TNRC6A: variants seen among roughly 807,000 people sequenced by gnomAD.
TNRC6A encodes the protein trinucleotide repeat containing adaptor 6A, also known as trinucleotide repeat-containing gene 6A protein.
Under a neutral mutation model 221.2 loss-of-function variants are expected in TNRC6A, and 44 were observed. The observed-to-expected ratio is 0.20, with a 90% CI of 0.16 to 0.26. TNRC6A has a LOEUF of 0.26. Among genes scored for constraint, TNRC6A ranks in the 10% least tolerant of loss-of-function variants. The pLI is 1.00. For missense variants in TNRC6A, 2,199 were observed against 2,404.4 expected, an observed-to-expected ratio of 0.91 and a Z score of 1.79; for synonymous variants, 847 against 838.5, an observed-to-expected ratio of 1.01 and a Z score of -0.18.
At chr16:24,750,870 A>T (rs1333031396) in intron 3 of TNRC6A, 57 bp downstream of exon 3, 3 of 1,330,944 alleles carry the variant, frequency 2.3e-6, no homozygotes, top group African/African-American at 1.5e-5. Context: ...TTAAAAAAAA[A>T]TTACTCTTAC....
In TNRC6A at chr16:24,806,209, T is replaced by C. The variant is rs1038952438; in HGVS notation, c.4255T>C (p.Leu1419=). ...CTTTTCGCTATCTTTCCTCTAGCGA[T>C]TGTTAGCGCAGCAGCAAAGGGCGCA... ...QLSQISQLQR[L]LAQQQRAQSQ... Residue 1419 remains leucine (L), a synonymous_variant, in exon 16 of 25, where the codon TTG becomes CTG. Transcript: ENST00000395799. 5 of 1,613,880 alleles carry C rather than the reference T, an allele frequency of 3.1e-6. No individual in the cohort carries two copies. The highest frequency in any genetic ancestry group is 4.2e-6 in the Non-Finnish European group (5 of 1,179,992).
intron 1 of TNRC6A, among the ~76,000 whole-genome samples, chr16:24,621,969 T>G (rs1900697500): frequency 6.6e-6 from 1 of 152,188 alleles, no homozygotes; most frequent in Non-Finnish European, 1.5e-5. Context: ...GGATTTTTAT[T>G]GAACAAGGGA....
intron 1 of TNRC6A, among the ~76,000 whole-genome samples, chr16:24,627,512 T>C (rs1350907515): frequency 6.6e-6 from 1 of 151,924 alleles, no homozygotes; most frequent in Non-Finnish European, 1.5e-5. Flanking sequence ...GCTCTTAATA[T>C]TTGTTTACTC....
chr16:24,656,480 A>G (rs528527787), intron 2 of TNRC6A, among the ~76,000 whole-genome samples: 7 of 151,254 alleles, frequency 4.6e-5, no homozygotes, highest in African/African-American at 1.7e-4. Flanking sequence ...AAAAAAAAAA[A>G]AGAGAGAGAG....
intron 2 of TNRC6A, among the ~76,000 whole-genome samples, chr16:24,701,765 G>T (rs937899023): frequency 6.6e-6 from 1 of 152,168 alleles, no homozygotes; most frequent in Non-Finnish European, 1.5e-5. Flanking sequence ...TCAGGAAATT[G>T]AGGCCAATAA....
At chr16:24,762,300 A>G (rs184120131) in intron 4 of TNRC6A, among the ~76,000 whole-genome samples, 4 of 152,240 alleles carry the variant, frequency 2.6e-5, no homozygotes, top group African/African-American at 9.6e-5. Flanking sequence ...CAATGTTACT[A>G]CATCTGGGTG....
At chr16:24,721,101 T>C (rs953192515) in intron 2 of TNRC6A, among the ~76,000 whole-genome samples, 1 of 152,140 alleles carries the variant, frequency 6.6e-6, no homozygotes, top group South Asian at 2.1e-4. Context: ...GGGCTAAGAA[T>C]GAACACCTGC....
intron 1 of TNRC6A, among the ~76,000 whole-genome samples, chr16:24,616,935 T>C (rs1035136582): frequency 6.9e-6 from 1 of 145,882 alleles, no homozygotes; most frequent in African/African-American, 2.5e-5. Context: ...AAACAAAATG[T>C]GTATTCTGCA....
chr16:24,787,624 A>C (rs1271576977), intron 5 of TNRC6A, among the ~76,000 whole-genome samples: 1 of 152,226 alleles, frequency 6.6e-6, no homozygotes, highest in Non-Finnish European at 1.5e-5. Context: ...CTTCTTTGGC[A>C]GCTTTAGGAA....
intron 19 of TNRC6A, chr16:24,815,651 C>G: frequency 3.3e-6 from 1 of 299,820 alleles, no homozygotes; most frequent in Admixed American, 4.3e-5. Flanking sequence ...GTCAGGAGAT[C>G]GAGACCATGC....
At chr16:24,637,377 C>G (rs1180146752) in intron 1 of TNRC6A, among the ~76,000 whole-genome samples, 1 of 152,136 alleles carries the variant, frequency 6.6e-6, no homozygotes, top group African/African-American at 2.4e-5. Flanking sequence ...GCCTGGCGTT[C>G]CCTCCACCCA....
chr16:24,765,080 G>A lies in TNRC6A; in HGVS notation c.163+6720G>A, dbSNP rs541167246. Among the ~76,000 whole-genome samples the A allele has an allele frequency of 7.0e-4, 107 of 152,272 alleles. 1 individual carries two copies. The highest frequency in any genetic ancestry group is 2.5e-3 in the African/African-American group (103 of 41,546). ...AAGTGAAATCTTGGAAAAGGAGGGGGACTACTGTATACCTAGAAGAGGAAT... is the reference window on the plus strand; with the variant it reads ...AAGTGAAATCTTGGAAAAGGAGGGGAACTACTGTATACCTAGAAGAGGAAT... On this transcript the variant is annotated intron_variant, in intron 4 of 24. Coordinates refer to ENST00000395799, the MANE Select transcript of TNRC6A (RefSeq NM_014494.4).
At chr16:24,611,798 A>G (rs1900068561) in intron 1 of TNRC6A, among the ~76,000 whole-genome samples, 1 of 152,154 alleles carries the variant, frequency 6.6e-6, no homozygotes, top group South Asian at 2.1e-4. Context: ...GTGAATTGTG[A>G]AATTATGGCA....
intron 1 of TNRC6A, among the ~76,000 whole-genome samples, chr16:24,620,543 C>T (rs142287786): frequency 2.0e-3 from 311 of 152,314 alleles, no homozygotes; most frequent in African/African-American, 7.3e-3. Flanking sequence ...AGGGGTGGCT[C>T]ATGCCTGTAA....
chr16:24,713,615 C>A (rs2056254001), intron 2 of TNRC6A, among the ~76,000 whole-genome samples: 1 of 151,900 alleles, frequency 6.6e-6, no homozygotes, highest in African/African-American at 2.4e-5. Flanking sequence ...TTAAGATTTT[C>A]TCTTAATCAT....
intron 2 of TNRC6A, among the ~76,000 whole-genome samples, chr16:24,655,891 A>G (rs2054900938): frequency 6.6e-6 from 1 of 151,734 alleles, no homozygotes; most frequent in Non-Finnish European, 1.5e-5. Context: ...TGTAATCCCA[A>G]CAGTTTGAGA....
intron 1 of TNRC6A, among the ~76,000 whole-genome samples, chr16:24,637,637 G>C (rs983359884): frequency 6.6e-6 from 1 of 152,210 alleles, no homozygotes; most frequent in African/African-American, 2.4e-5. Context: ...GAGGTGCAGA[G>C]CTTTCTTAAA....
chr16:24,730,673 C>T (rs1281833703), intron 2 of TNRC6A, among the ~76,000 whole-genome samples: 1 of 150,934 alleles, frequency 6.6e-6, no homozygotes, highest in East Asian at 1.9e-4. Flanking sequence ...TTTTGGCTTC[C>T]CCGTTATTAC....
intron 2 of TNRC6A, among the ~76,000 whole-genome samples, chr16:24,654,746 TAAAA>T (rs1302386877): frequency 6.6e-6 from 1 of 151,258 alleles, no homozygotes; most frequent in Non-Finnish European, 1.5e-5. Flanking sequence ...AAATAAAAAA[TAAAA>T]AAACACACAA....
Sources: gnomAD v4.1 joint callset for allele counts (sites outside exome capture counted in the v4.1 genomes callset) on GRCh38, gnomAD v4.1.1 for gene constraint, MANE v1.5 for transcripts, NCBI Gene and HGNC (gene_info 2026-07-23, HGNC 2026-07-21) for gene names.